The following SGMS2 variants were observed in gnomAD, a reference collection of about 807,000 sequenced individuals.
The protein encoded by SGMS2 is phosphatidylcholine:ceramide cholinephosphotransferase 2.
In SGMS2, 21 loss-of-function variants were observed where a neutral mutation model predicts 43.8. The observed-to-expected ratio is 0.48, with a 90% confidence interval of 0.34 to 0.69. The LOEUF is 0.69. Ranked by LOEUF, SGMS2 falls within the 30% of genes least tolerant of loss-of-function variation. The probability of loss-of-function intolerance (pLI) is 0.01; values close to 1 mark genes in which losing one functional copy is unlikely to be tolerated. For missense variants in SGMS2, 384 were observed against 443.2 expected (o/e 0.87, Z 1.20); for synonymous variants, 167 against 160.6 (o/e 1.04, Z -0.30).
intron 2 of SGMS2, among the ~76,000 whole-genome samples, chr4:107,879,852 T>G (rs2126079135): frequency 6.6e-6 from 1 of 152,296 alleles, no homozygotes; most frequent in African/African-American, 2.4e-5. Flanking sequence ...TTTAATAAAC[T>G]TACAGAATTA....
At chr4:107,886,198 G>T (rs1729734414) in intron 2 of SGMS2, among the ~76,000 whole-genome samples, 1 of 150,928 alleles carries the variant, frequency 6.6e-6, no homozygotes, top group Non-Finnish European at 1.5e-5. Flanking sequence ...CACCTTTGTT[G>T]TTGTTTTTTT....
At chr4:107,876,962 G>A (rs1728954452) in intron 2 of SGMS2, among the ~76,000 whole-genome samples, 1 of 152,022 alleles carries the variant, frequency 6.6e-6, no homozygotes. Flanking sequence ...ATTCTTAGGA[G>A]AAAATATTAA....
chr4:107,871,693 C>T (rs1384939716), intron 2 of SGMS2, among the ~76,000 whole-genome samples: 1 of 152,048 alleles, frequency 6.6e-6, no homozygotes, highest in Non-Finnish European at 1.5e-5. Flanking sequence ...TGAGTTTGGT[C>T]ACTGTTTTTC....
intron 2 of SGMS2, chr4:107,894,212 GA>G (rs1212903433): frequency 6.6e-6 from 1 of 152,384 alleles, no homozygotes; most frequent in Non-Finnish European, 1.5e-5. Flanking sequence ...GGGGAGGGGG[GA>G]GGTCCTTTAA....
rs1732189571 is a variant in SGMS2, at chr4:107,912,542, C to G, written c.*1989C>G. 6.6e-6 allele frequency: 1 copy of G among 152,146 alleles called. No homozygotes were observed. The highest frequency in any genetic ancestry group is 6.6e-5 in the Admixed American group (1 of 15,256). The allele number at this position is 152,146 out of a possible 1,614,324, so 9.4% of individuals were successfully genotyped here. On this transcript the variant is annotated 3_prime_UTR_variant, in exon 7 of 7. Transcript: ENST00000690982. ...CGATTGTAAAGAAAATCATCTGACA[C>G]AGAAGCCTGGATTTTGCTCTCCTAA...
intron 1 of SGMS2, among the ~76,000 whole-genome samples, chr4:107,845,897 A>G (rs1021603630): frequency 6.6e-6 from 1 of 152,184 alleles, no homozygotes; most frequent in Non-Finnish European, 1.5e-5. Flanking sequence ...GGAGGCAGCA[A>G]TGGAGTTACA....
At chr4:107,881,912 C>A (rs1221849595) in intron 2 of SGMS2, among the ~76,000 whole-genome samples, 1 of 152,116 alleles carries the variant, frequency 6.6e-6, no homozygotes, top group East Asian at 1.9e-4. Flanking sequence ...ATAATGTTTT[C>A]CAGTTCCATC....
At chr4:107,909,657 G>A (rs1370199730) in intron 6 of SGMS2, among the ~76,000 whole-genome samples, 1 of 152,192 alleles carries the variant, frequency 6.6e-6, no homozygotes, top group East Asian at 1.9e-4. Context: ...TCCGAAGGCA[G>A]AATTATTCCT....
chr4:107,896,848 C>T (rs369416729), intron 3 of SGMS2, among the ~76,000 whole-genome samples: 16 of 152,156 alleles, frequency 1.1e-4, no homozygotes, highest in African/African-American at 3.6e-4. Flanking sequence ...CTTAATTCCT[C>T]CTTTCCTCTC....
intron 2 of SGMS2, among the ~76,000 whole-genome samples, chr4:107,888,479 T>A (rs1389339240): frequency 6.6e-6 from 1 of 152,174 alleles, no homozygotes; most frequent in Non-Finnish European, 1.5e-5. Flanking sequence ...TTCTGGTTTG[T>A]CCTGAACATC....
rs767662872 is a variant in SGMS2, at chr4:107,908,326, T to G, written c.728-239T>G. Reference sequence around the variant, plus strand: ...TCACGTGGGTAAGGCCTAGAATGTCTAGTGTTACCAGCTTCCCCAGTGAAT... The same window carrying G: ...TCACGTGGGTAAGGCCTAGAATGTCGAGTGTTACCAGCTTCCCCAGTGAAT... On this transcript the variant is annotated intron_variant, in intron 5 of 6. Coordinates refer to ENST00000690982, the MANE Select transcript of SGMS2 (RefSeq NM_001375905.1). 1.2e-4 allele frequency: 56 copies of G among 467,288 alleles called. 1 individual carries two copies. Among genetic ancestry groups the G allele is most frequent in the Middle Eastern group, 1.1e-3 (2 of 1,792 alleles). The allele number at this position is 467,288 out of a possible 1,614,324, so 28.9% of individuals were successfully genotyped here. A position where few individuals can be genotyped will look rare whatever the true frequency, so the allele number is the denominator to read the frequency against.
chr4:107,868,754 G>T (rs1056401205), intron 2 of SGMS2, among the ~76,000 whole-genome samples: 1 of 152,046 alleles, frequency 6.6e-6, no homozygotes, highest in Non-Finnish European at 1.5e-5. Flanking sequence ...AGAATAAAAT[G>T]AAGCCTTTTT....
At chr4:107,891,135 C>G (rs1730183694) in intron 2 of SGMS2, among the ~76,000 whole-genome samples, 1 of 151,532 alleles carries the variant, frequency 6.6e-6, no homozygotes, top group African/African-American at 2.4e-5. Flanking sequence ...TTTCTCCCCC[C>G]CATTATACCA....
intron 1 of SGMS2, among the ~76,000 whole-genome samples, chr4:107,842,715 A>G (rs1003928185): frequency 6.6e-6 from 1 of 152,214 alleles, no homozygotes; most frequent in Non-Finnish European, 1.5e-5. Flanking sequence ...TCAGACTTCA[A>G]CATTTTAAAG....
In SGMS2 at chr4:107,832,467, A is replaced by AGG. The variant is rs552425211; in HGVS notation, c.-327+7219_-327+7220dup. Among the ~76,000 whole-genome samples the AGG allele has an allele frequency of 2.3e-3, 353 of 152,318 alleles. 1 individual carries two copies. Among genetic ancestry groups the AGG allele is most frequent in the Admixed American group, 6.6e-3 (101 of 15,300 alleles). Reference sequence around the variant, plus strand: ...ACTTTAAGGATCCTACTTGAAACACAGGGGGGTTAAGTCACGTACTTAAGG... The same window carrying AGG: ...ACTTTAAGGATCCTACTTGAAACACAGGGGGGGGTTAAGTCACGTACTTAAGG... On this transcript the variant is annotated intron_variant, in intron 1 of 6. Transcript: ENST00000690982.
chr4:107,901,466 A>G (rs1455687513), intron 4 of SGMS2, among the ~76,000 whole-genome samples: 1 of 152,186 alleles, frequency 6.6e-6, no homozygotes, highest in Non-Finnish European at 1.5e-5. Context: ...TAAGCATGGC[A>G]GAACTTTGTA....
chr4:107,835,976 C>T (rs879204696), intron 1 of SGMS2, among the ~76,000 whole-genome samples: 4 of 152,060 alleles, frequency 2.6e-5, no homozygotes, highest in Non-Finnish European at 4.4e-5. Flanking sequence ...TTTGAGTTTT[C>T]GAACAGCCAC....
At chr4:107,844,468 G>A (rs1726698822) in intron 1 of SGMS2, among the ~76,000 whole-genome samples, 1 of 152,170 alleles carries the variant, frequency 6.6e-6, no homozygotes, top group African/African-American at 2.4e-5. Flanking sequence ...TTGGGAGGCT[G>A]AGGCTGAAAG....
In SGMS2 at chr4:107,913,546, T is replaced by C. The variant is rs1163762963; in HGVS notation, c.*2993T>C. ...GCAAACACCACTTTTAAAAGCCTGT[T>C]TTCAAGTTTTTGAAAGGCATTTGTT... On this transcript the variant is annotated 3_prime_UTR_variant, in exon 7 of 7. Transcript: ENST00000690982. 2.0e-5 allele frequency: 3 copies of C among 152,200 alleles called. No homozygotes were observed. The highest frequency in any genetic ancestry group is 7.2e-5 in the African/African-American group (3 of 41,452). 9.4% of individuals were successfully genotyped at this position (152,200 alleles called of 1,614,324 possible).
Sources: gnomAD v4.1 joint callset for allele counts (sites outside exome capture counted in the v4.1 genomes callset) on GRCh38, gnomAD v4.1.1 for gene constraint, MANE v1.5 for transcripts, NCBI Gene and HGNC (gene_info 2026-07-23, HGNC 2026-07-21) for gene names.